BBS4: variants seen among roughly 807,000 people sequenced by gnomAD.
BBS4 encodes BBSome complex member BBS4.
BBS4 carries 58 observed loss-of-function variants against 71.4 expected under a neutral mutation model. That is an observed-to-expected ratio of 0.81 (90% CI 0.66 to 1.01). The LOEUF (loss-of-function observed/expected upper bound fraction) is 1.01, where lower values mean the gene tolerates loss of function less well. BBS4 is among the 50% of genes least tolerant of loss of function. BBS4 has a pLI of 0.00. For missense variants in BBS4, 660 were observed against 607.9 expected, an observed-to-expected ratio of 1.09 and a Z score of -0.90; for synonymous variants, 228 against 216.8, an observed-to-expected ratio of 1.05 and a Z score of -0.46.
At chr15:72,712,484 A>G (rs1476768279) in intron 4 of BBS4, among the ~76,000 whole-genome samples, 177 bp downstream of exon 4, 3 of 152,226 alleles carry the variant, frequency 2.0e-5, no homozygotes, top group Non-Finnish European at 4.4e-5. Context: ...CATTACATGG[A>G]GTGTACTTAC....
chr15:72,724,001 TAGG>T (rs1595936731), intron 7 of BBS4, among the ~76,000 whole-genome samples: 2 of 152,242 alleles, frequency 1.3e-5, no homozygotes, highest in Admixed American at 1.3e-4. Flanking sequence ...TTTTGTTTAC[TAGG>T]AGAAGGTAAG....
intron 1 of BBS4, chr15:72,686,747 T>C: frequency 2.5e-6 from 1 of 398,594 alleles, no homozygotes; most frequent in South Asian, 2.0e-5. Flanking sequence ...GGGCGTTCAC[T>C]CCACAGAACT....
chr15:72,716,922 T>C, intron 6 of BBS4, 72 bp downstream of exon 6: 2 of 1,088,780 alleles, frequency 1.8e-6, no homozygotes, highest in South Asian at 2.7e-5. Context: ...CTGGCTGTCT[T>C]ATTTCTGAAT....
chr15:72,713,043 CAG>C (rs1024487429), intron 4 of BBS4, among the ~76,000 whole-genome samples: 1 of 149,374 alleles, frequency 6.7e-6, no homozygotes, highest in Non-Finnish European at 1.5e-5. Context: ...GGTAGAGAGA[CAG>C]AGTCTCACTT....
In BBS4 at chr15:72,716,860, G is replaced by C. The variant is rs1216711857; in HGVS notation, c.405+10G>C. On this transcript the variant is annotated intron_variant, in intron 6 of 15. Transcript: ENST00000268057. The stretch of plus-strand genomic sequence containing the variant: ...CAACCAGAAAGATTGGGTAAGTAGA[G>C]AACTTTCAGTTCTTTCTTATTAGTA... The C allele has an allele frequency of 8.2e-6, 13 of 1,592,528 alleles. No individual in the cohort carries two copies. In the East Asian group the frequency reaches 2.9e-4, roughly 36 times the overall value.
In BBS4 at chr15:72,686,217, G is replaced by A; in HGVS notation, c.-11G>A. The stretch of plus-strand genomic sequence containing the variant: ...CCGACTTCCGGCCGCGCAGCGGTGG[G>A]CTGAGCTAAAATGGCTGAGGAGAGA... On this transcript the variant is annotated 5_prime_UTR_variant, in exon 1 of 16. Transcript: ENST00000268057. 5 of 1,560,856 alleles carry A rather than the reference G, an allele frequency of 3.2e-6. No individual in the cohort carries two copies. Among genetic ancestry groups the A allele is most frequent in the Non-Finnish European group, 4.3e-6 (5 of 1,153,490 alleles).
intron 10 of BBS4, among the ~76,000 whole-genome samples, chr15:72,730,903 C>T (rs1247815215): frequency 1.3e-5 from 2 of 152,090 alleles, no homozygotes; most frequent in African/African-American, 4.8e-5. Context: ...TAGCCACGTA[C>T]AGGTGTATTT....
intron 2 of BBS4, among the ~76,000 whole-genome samples, chr15:72,707,436 C>T (rs2151013379): frequency 6.6e-6 from 1 of 152,152 alleles, no homozygotes; most frequent in East Asian, 1.9e-4. Context: ...TCCTCGGTCT[C>T]CCAAAGTGCT....
intron 8 of BBS4, among the ~76,000 whole-genome samples, 196 bp downstream of exon 8, chr15:72,724,851 C>G (rs775960675): frequency 6.6e-6 from 1 of 152,088 alleles, no homozygotes; most frequent in Non-Finnish European, 1.5e-5. Flanking sequence ...AGGATGACTG[C>G]TGCTTTAGGT....
intron 4 of BBS4, among the ~76,000 whole-genome samples, chr15:72,713,314 GACACACACACACACACACAC>G (rs36072427): frequency 0.13 from 18,099 of 143,530 alleles, 1,845 homozygotes; most frequent in East Asian, 0.54. Context: ...AGGTCTTTGT[GACACACACACACACACACAC>G]ACACACACAC....
At chr15:72,727,783 T>C (rs948969832) in intron 8 of BBS4, among the ~76,000 whole-genome samples, 157 bp from the exon 9 acceptor site, 6 of 152,190 alleles carry the variant, frequency 3.9e-5, no homozygotes, top group African/African-American at 1.2e-4. Context: ...GATGACCTAC[T>C]TTTGATGGCA....
intron 12 of BBS4, 71 bp downstream of exon 12, chr15:72,731,797 A>T (rs2151048428): frequency 6.3e-7 from 1 of 1,577,836 alleles, no homozygotes; most frequent in East Asian, 2.2e-5. Context: ...GAATCATAGA[A>T]GATCAGTGGC....
rs1491389178 is a variant in BBS4, at chr15:72,687,123, A to ATTTTTTTTTTTTTTTTTTT, written c.24+872_24+873insTTTTTTTTTTTTTTTTTTT. Among the ~76,000 whole-genome samples the ATTTTTTTTTTTTTTTTTTT allele has an allele frequency of 2.8e-3, 33 of 11,942 alleles. 2 individuals are homozygous for ATTTTTTTTTTTTTTTTTTT. Among genetic ancestry groups the ATTTTTTTTTTTTTTTTTTT allele is most frequent in the South Asian group, 9.7e-3 (2 of 206 alleles). 7.8% of individuals were successfully genotyped at this position (11,942 alleles called of 152,430 possible). ...TAATTAGAAAACTCTGAAGACAGAA[A>ATTTTTTTTTTTTTTTTTTT]CTTTTTTTTTTGAGACGGAGTGTCG... On this transcript the variant is annotated intron_variant, in intron 1 of 15. Transcript: ENST00000268057.
intron 14 of BBS4, 87 bp downstream of exon 14, chr15:72,736,053 A>ATT (rs1234086943): frequency 4.7e-6 from 7 of 1,483,410 alleles, no homozygotes; most frequent in Non-Finnish European, 6.5e-6. Flanking sequence ...AATCCAAGGT[A>ATT]TTACACGTTC....
chr15:72,725,134 C>T (rs2065647807), intron 8 of BBS4, among the ~76,000 whole-genome samples: 1 of 151,614 alleles, frequency 6.6e-6, no homozygotes, highest in African/African-American at 2.4e-5. Flanking sequence ...GAACACAGCT[C>T]ACTGCAGCCT....
chr15:72,689,243 G>A (rs1012719086), intron 1 of BBS4, among the ~76,000 whole-genome samples: 3 of 152,166 alleles, frequency 2.0e-5, no homozygotes, highest in Admixed American at 2.0e-4. Flanking sequence ...GAAATGTATA[G>A]CTAAAAATCT....
intron 8 of BBS4, among the ~76,000 whole-genome samples, chr15:72,725,585 C>A (rs1027602881): frequency 1.3e-5 from 2 of 152,112 alleles, no homozygotes; most frequent in African/African-American, 4.8e-5. Context: ...GGACAGAAAT[C>A]TCCTGATTCA....
At position 72,737,872 on chromosome 15, in the gene BBS4, G is replaced by A. The variant is rs1042990476; in HGVS notation, c.*285G>A. 1 of 477,976 alleles carries A rather than the reference G, an allele frequency of 2.1e-6. No individual in the cohort carries two copies. The highest frequency in any genetic ancestry group is 2.0e-5 in the African/African-American group (1 of 50,968). 29.6% of individuals were successfully genotyped at this position (477,976 alleles called of 1,614,324 possible). A position where few individuals can be genotyped will look rare whatever the true frequency, so the allele number is the denominator to read the frequency against. ...AGGCCTTATGTATGTAGCTGAGTCA[G>A]CAAGGTACATGATGCTGTCTGCTTT... On this transcript the variant is annotated 3_prime_UTR_variant, in exon 16 of 16. Transcript: ENST00000268057.
chr15:72,725,370 T>C (rs2065652505), intron 8 of BBS4, among the ~76,000 whole-genome samples: 1 of 152,102 alleles, frequency 6.6e-6, no homozygotes. Context: ...CACCTGGCCT[T>C]GGTAATAAGT....
Sources: gnomAD v4.1 joint callset for allele counts (sites outside exome capture counted in the v4.1 genomes callset) on GRCh38, gnomAD v4.1.1 for gene constraint, MANE v1.5 for transcripts, NCBI Gene and HGNC (gene_info 2026-07-23, HGNC 2026-07-21) for gene names.